Variants in PACS1 observed in about 807,000 individuals in gnomAD.
PACS1 encodes PACS-1.
Under a neutral mutation model 115.0 loss-of-function variants are expected in PACS1, and 24 were observed. That is an observed-to-expected ratio of 0.21 (90% CI 0.15 to 0.29). The LOEUF is 0.29. Among genes scored for constraint, PACS1 ranks in the 10% least tolerant of loss-of-function variants. The probability of loss-of-function intolerance (pLI) is 1.00; values close to 1 mark genes in which losing one functional copy is unlikely to be tolerated. For synonymous variants in PACS1, 453 were observed against 504.5 expected (o/e 0.90, Z 1.37); for missense variants, 838 against 1,251.2 (o/e 0.67, Z 4.98).
intron 1 of PACS1, among the ~76,000 whole-genome samples, chr11:66,136,323 T>TCACACA (rs61577143): frequency 0.034 from 4,895 of 145,858 alleles, 287 homozygotes; most frequent in Admixed American, 0.15. Flanking sequence ...AATCCCACTG[T>TCACACA]CACACACACA....
intron 1 of PACS1, among the ~76,000 whole-genome samples, chr11:66,073,531 C>T (rs1409655094): frequency 1.3e-5 from 2 of 152,008 alleles, no homozygotes; most frequent in Non-Finnish European, 2.9e-5. Context: ...TGATGCCTGT[C>T]AAAATATAAT....
intron 1 of PACS1, among the ~76,000 whole-genome samples, chr11:66,193,071 TCTC>T (rs1465898458): frequency 6.6e-6 from 1 of 152,206 alleles, no homozygotes; most frequent in African/African-American, 2.4e-5. Flanking sequence ...CCTCCCTTGG[TCTC>T]CTCTTCCCCC....
intron 1 of PACS1, among the ~76,000 whole-genome samples, chr11:66,090,539 G>A (rs1335266601): frequency 2.0e-5 from 3 of 152,028 alleles, no homozygotes; most frequent in Non-Finnish European, 4.4e-5. Context: ...AAAGTGCTGG[G>A]ATTACAGGCA....
chr11:66,174,568 A>G (rs1565134186), intron 1 of PACS1, among the ~76,000 whole-genome samples: 1 of 152,248 alleles, frequency 6.6e-6, no homozygotes, highest in African/African-American at 2.4e-5. Context: ...ATTCACCAAT[A>G]AAATGAATAA....
At chr11:66,120,983 C>G (rs910052720) in intron 1 of PACS1, 9 of 456,118 alleles carry the variant, frequency 2.0e-5, no homozygotes, top group African/African-American at 1.8e-4. Context: ...GGCCCTACCT[C>G]CTCCTTTTAT....
At chr11:66,154,550 G>A (rs1859311611) in intron 1 of PACS1, among the ~76,000 whole-genome samples, 1 of 152,172 alleles carries the variant, frequency 6.6e-6, no homozygotes, top group Admixed American at 6.6e-5. Flanking sequence ...AACCATTTAT[G>A]TTTTGGTCAG....
intron 1 of PACS1, among the ~76,000 whole-genome samples, chr11:66,079,030 C>G (rs1857438455): frequency 6.6e-6 from 1 of 152,214 alleles, no homozygotes; most frequent in African/African-American, 2.4e-5. Flanking sequence ...GCCTCAGCCT[C>G]CCAAGTAGCT....
chr11:66,080,381 G>A (rs924523682), intron 1 of PACS1, among the ~76,000 whole-genome samples: 2 of 152,108 alleles, frequency 1.3e-5, no homozygotes, highest in African/African-American at 4.8e-5. Context: ...GTCAGATAGC[G>A]AGTAGGGTCA....
intron 2 of PACS1, among the ~76,000 whole-genome samples, chr11:66,202,742 A>AAAAAATATATAT (rs1200930188): frequency 5.6e-5 from 4 of 71,604 alleles, no homozygotes; most frequent in African/African-American, 2.4e-4. Flanking sequence ...AAAAAAAAAA[A>AAAAAATATATAT]ATATATATAT....
At chr11:66,189,641 G>T (rs942451484) in intron 1 of PACS1, among the ~76,000 whole-genome samples, 3 of 152,208 alleles carry the variant, frequency 2.0e-5, no homozygotes, top group Non-Finnish European at 4.4e-5. Flanking sequence ...TGTGGGCAGT[G>T]TTGATGAGTG....
intron 13 of PACS1, among the ~76,000 whole-genome samples, chr11:66,231,357 G>A (rs2134736524): frequency 6.6e-6 from 1 of 152,342 alleles, no homozygotes; most frequent in East Asian, 1.9e-4. Context: ...GCTGTGGGCG[G>A]TCATCGTGCT....
intron 1 of PACS1, among the ~76,000 whole-genome samples, chr11:66,114,131 C>T (rs932037299): frequency 1.1e-4 from 16 of 151,190 alleles, no homozygotes; most frequent in African/African-American, 3.9e-4. Flanking sequence ...AAAAACGTAT[C>T]TTGGGGGCTG....
chr11:66,124,423 T>C (rs1357305011), intron 1 of PACS1, among the ~76,000 whole-genome samples: 1 of 152,206 alleles, frequency 6.6e-6, no homozygotes, highest in Non-Finnish European at 1.5e-5. Flanking sequence ...TTAGGGTTGT[T>C]GTGATCATAA....
At chr11:66,241,077 A>ATGTG (rs541074261) in intron 21 of PACS1, 15 of 162,786 alleles carry the variant, frequency 9.2e-5, no homozygotes, top group Non-Finnish European at 1.7e-4. Context: ...CTGGGCGTGT[A>ATGTG]TGTGTGTGTG....
chr11:66,185,968 G>A lies in PACS1; in HGVS notation c.357-7518G>A, dbSNP rs77503212. On this transcript the variant is annotated intron_variant, in intron 1 of 23. Transcript: ENST00000320580. ...AAGAAGAGGTTTCTTTCTTTCTCAC[G>A]TAAAAATGAAAAAATCAGCTGGCAG... 8.2e-3 allele frequency among the ~76,000 whole-genome samples: 1,250 copies of A among 152,066 alleles called. 85 individuals are homozygous for A. In the East Asian group the frequency reaches 0.17, roughly 21 times the overall value.
chr11:66,170,303 A>G (rs1221941444), intron 1 of PACS1, among the ~76,000 whole-genome samples: 1 of 149,912 alleles, frequency 6.7e-6, no homozygotes, highest in Non-Finnish European at 1.5e-5. Context: ...TTTATTTTTT[A>G]CTTCTTAATG....
intron 1 of PACS1, among the ~76,000 whole-genome samples, chr11:66,073,197 A>G (rs10896076): frequency 0.22 from 34,161 of 152,156 alleles, 3,960 homozygotes; most frequent in Middle Eastern, 0.31. Context: ...GCAGGCCAGA[A>G]TAACACTCTG....
chr11:66,085,849 G>A (rs1035504225), intron 1 of PACS1, among the ~76,000 whole-genome samples: 3 of 152,222 alleles, frequency 2.0e-5, no homozygotes, highest in African/African-American at 7.2e-5. Context: ...GAAGACAAAT[G>A]TAAATGCTCA....
At chr11:66,159,659 T>C (rs1021617361) in intron 1 of PACS1, among the ~76,000 whole-genome samples, 1 of 152,158 alleles carries the variant, frequency 6.6e-6, no homozygotes, top group Non-Finnish European at 1.5e-5. Flanking sequence ...GGATGGCAGC[T>C]GTTTAGTGTT....
Sources: gnomAD v4.1 joint callset for allele counts (sites outside exome capture counted in the v4.1 genomes callset) on GRCh38, gnomAD v4.1.1 for gene constraint, MANE v1.5 for transcripts, NCBI Gene and HGNC (gene_info 2026-07-23, HGNC 2026-07-21) for gene names.